The following ENG variants were observed in gnomAD, a reference collection of about 807,000 sequenced individuals.
ENG encodes endoglin.
A neutral mutation model predicts 71.0 loss-of-function variants in ENG; 17 were observed. That is an observed-to-expected ratio of 0.24 (90% CI 0.16 to 0.36). ENG has a LOEUF of 0.36. Ranked by LOEUF, ENG falls within the 10% of genes least tolerant of loss-of-function variation. The pLI is 1.00. For synonymous variants in ENG, 360 were observed against 366.9 expected, an observed-to-expected ratio of 0.98 and a Z score of 0.21; for missense variants, 749 against 868.3, an observed-to-expected ratio of 0.86 and a Z score of 1.73.
At chr9:127,839,428 C>G (rs76001241) in intron 2 of ENG, among the ~76,000 whole-genome samples, 4 of 152,212 alleles carry the variant, frequency 2.6e-5, no homozygotes, top group African/African-American at 7.2e-5. Flanking sequence ...CTGGCAGCAT[C>G]ATGGGCTCAA....
intron 6 of ENG, 78 bp downstream of exon 6, chr9:127,825,153 T>G: frequency 6.2e-7 from 1 of 1,611,990 alleles, no homozygotes; most frequent in East Asian, 2.2e-5. Context: ...AGCTCGGGGG[T>G]TCACCTTTCC....
At position 127,837,823 on chromosome 9, in the gene ENG, A is replaced by T. The variant is rs1830942496; in HGVS notation, c.219+5271T>A. ...CCATCCATCCATCCATCCAACAGAT[A>T]TTGATTCCTGGGCTGACTTCGAGCT... On this transcript the variant is annotated intron_variant, in intron 2 of 14. Transcript: ENST00000373203. 3.4e-5 allele frequency among the ~76,000 whole-genome samples: 3 copies of T among 89,378 alleles called. No homozygotes were observed. The South Asian group carries it at 7.8e-4, about 23-fold the overall frequency. The allele number at this position is 89,378 out of a possible 152,430, so 58.6% of individuals were successfully genotyped here.
At chr9:127,825,477 G>A in intron 5 of ENG, 120 bp from the exon 6 acceptor site, 1 of 1,511,210 alleles carries the variant, frequency 6.6e-7, no homozygotes, top group Non-Finnish European at 9.0e-7. Context: ...TTATGGGATA[G>A]GGATGGGACT....
intron 2 of ENG, 96 bp downstream of exon 2, chr9:127,842,998 A>C: frequency 1.3e-6 from 2 of 1,587,970 alleles, no homozygotes; most frequent in Non-Finnish European, 1.7e-6. Flanking sequence ...GGACTCAGCC[A>C]CTGCCCCAGG....
intron 8 of ENG, among the ~76,000 whole-genome samples, chr9:127,820,833 A>AG (rs1830451673): frequency 6.6e-6 from 1 of 151,310 alleles, no homozygotes; most frequent in Admixed American, 6.6e-5. Flanking sequence ...CGTCTCAAAA[A>AG]AAAAAAATAT....
intron 13 of ENG, chr9:127,816,672 C>T: frequency 3.9e-6 from 1 of 253,482 alleles, no homozygotes; most frequent in Non-Finnish European, 7.8e-6. Flanking sequence ...GTGCCCCCAT[C>T]CCTCACCCCT....
chr9:127,819,234 G>A (rs1830414076), intron 10 of ENG: 8 of 326,702 alleles, frequency 2.4e-5, no homozygotes, highest in Non-Finnish European at 2.9e-5. Flanking sequence ...ACTGCGCCCG[G>A]CCCTTTTTTT....
chr9:127,823,350 A>G (rs1033779203), intron 8 of ENG, among the ~76,000 whole-genome samples: 21 of 148,286 alleles, frequency 1.4e-4, no homozygotes, highest in Non-Finnish European at 2.1e-4. Context: ...TATAACAAAT[A>G]TATTTGTTTG....
At chr9:127,820,790 T>C (rs866217293) in intron 8 of ENG, among the ~76,000 whole-genome samples, 29 of 151,320 alleles carry the variant, frequency 1.9e-4, no homozygotes, top group Middle Eastern at 3.4e-3. Context: ...GATCGCACCA[T>C]TGCACTCCAG....
At position 127,843,192 on chromosome 9, in the gene ENG, C is replaced by G; in HGVS notation, c.121G>C (p.Glu41Gln). ...DLQPVGPERGEVTYTTSQVSK... is the reference protein window; with the variant it reads ...DLQPVGPERGQVTYTTSQVSK... ...ACCTGGCTAGTGGTATATGTCACCT[C>G]GCCCCTCTCGGGGCCCACAGGCTGA... Residue 41 changes from glutamate to glutamine, a missense_variant, in exon 2 of 15, where the codon GAG (glutamate) becomes CAG (glutamine). Glu to Gln is a conservative substitution (Grantham distance 29). Transcript: ENST00000373203. 1 of 1,614,228 alleles carries G rather than the reference C, an allele frequency of 6.2e-7. No individual in the cohort carries two copies. Among genetic ancestry groups the G allele is most frequent in the Non-Finnish European group, 8.5e-7 (1 of 1,180,048 alleles).
intron 2 of ENG, among the ~76,000 whole-genome samples, chr9:127,842,796 C>A (rs532226686): frequency 2.0e-5 from 3 of 152,122 alleles, no homozygotes; most frequent in African/African-American, 7.2e-5. Context: ...AGGTCTCCAT[C>A]ATTGGAGGTG....
In ENG at chr9:127,824,840, T is replaced by G; in HGVS notation, c.951A>C (p.Leu317=). 1 of 1,597,314 alleles carries G rather than the reference T, an allele frequency of 6.3e-7. No individual in the cohort carries two copies. Among genetic ancestry groups the G allele is most frequent in the African/African-American group, 1.3e-5 (1 of 74,458 alleles). ...NASIVASFVE[L]PLASIVSLHA... is the part of the protein sequence containing the mutation. ...GAAGTGAGACAATGCTGGCCAGCGG[T>G]AGCTCCACGAAGGATGCCACAATGC... Residue 317 remains leucine (L), a synonymous_variant, in exon 7 of 15, where the codon CTA becomes CTC. Transcript: ENST00000373203.
chr9:127,815,560 G>A lies in ENG; in HGVS notation c.*122C>T, dbSNP rs1830285458. ...TCTGAGAGGGAGGCGGGAAGGGTAG[G>A]CGCGGAGAGCAGGCTCCATTCTGGG... On this transcript the variant is annotated 3_prime_UTR_variant, in exon 15 of 15. Coordinates refer to ENST00000373203, the MANE Select transcript of ENG (RefSeq NM_001114753.3). 2 of 1,458,190 alleles carry A rather than the reference G, an allele frequency of 1.4e-6. No homozygotes were observed. Among genetic ancestry groups the A allele is most frequent in the Non-Finnish European group, 1.8e-6 (2 of 1,105,528 alleles). 90.3% of individuals were successfully genotyped at this position (1,458,190 alleles called of 1,614,324 possible).
At chr9:127,843,755 ATTTTTTTTTTTTTTTTTTTTT>A (rs71380099) in intron 1 of ENG, among the ~76,000 whole-genome samples, 1 of 25,040 alleles carries the variant, frequency 4.0e-5, no homozygotes, top group East Asian at 1.2e-3. Context: ...ATATATATAT[ATTTTTTTTTTTTTTTTTTTTT>A]TTTTTTTTTT....
intron 8 of ENG, chr9:127,822,274 C>G (rs1403496016): frequency 6.6e-6 from 1 of 152,176 alleles, no homozygotes; most frequent in Non-Finnish European, 1.5e-5. Flanking sequence ...ACAACTAAAA[C>G]AAGAATGGAA....
At chr9:127,849,100 G>A (rs10760507) in intron 1 of ENG, among the ~76,000 whole-genome samples, 8 of 151,184 alleles carry the variant, frequency 5.3e-5, no homozygotes, top group African/African-American at 1.7e-4. Flanking sequence ...CATCCTTCCC[G>A]CCAAACTACT....
At chr9:127,829,636 G>C in intron 3 of ENG, 51 bp downstream of exon 3, 7 of 1,610,820 alleles carry the variant, frequency 4.3e-6, no homozygotes, top group Non-Finnish European at 5.9e-6. Context: ...TGGACAGTAG[G>C]GACCTCCCAT....
chr9:127,851,473 G>A (rs941733869), intron 1 of ENG, among the ~76,000 whole-genome samples: 1 of 151,958 alleles, frequency 6.6e-6, no homozygotes, highest in African/African-American at 2.4e-5. Flanking sequence ...ACCCGCCTCA[G>A]CCTCCCTCCC....
Position 127,819,934 on chromosome 9 carries a change from C to T in ENG, c.1238G>A (p.Gly413Asp), listed in dbSNP as rs121918401. The T allele has an allele frequency of 5.0e-6, 8 of 1,614,246 alleles. No homozygotes were observed. Among genetic ancestry groups the T allele is most frequent in the Non-Finnish European group, 6.8e-6 (8 of 1,180,044 alleles). The change falls in exon 9 of 15, where the codon GGC (glycine) becomes GAC (aspartate). Residue 413 changes from glycine (G) to aspartate (D), a missense_variant. By Grantham distance (94) the Gly-to-Asp change is moderately conservative. Coordinates refer to ENST00000373203, the MANE Select transcript of ENG (RefSeq NM_001114753.3). The part of the protein sequence containing the change: ...FVLRSAYSSC[G>D]MQVSASMISN... ...GATCATACTTGCTGACACCTGCATG[C>T]CACAGCTGGAGTAAGCACTGCGCAA...
Sources: allele counts gnomAD v4.1 joint callset (sites outside exome capture counted in the v4.1 genomes callset), GRCh38; gene constraint gnomAD v4.1.1; transcripts MANE v1.5; gene names NCBI Gene and HGNC (gene_info 2026-07-23, HGNC 2026-07-21).